The following C12orf56 variants were observed in gnomAD, a reference collection of about 807,000 sequenced individuals.
The protein encoded by C12orf56 is uncharacterized protein C12orf56.
A neutral mutation model predicts 69.9 loss-of-function variants in C12orf56; 71 were observed. The observed-to-expected ratio is 1.02, with a 90% CI of 0.84 to 1.24. The LOEUF (loss-of-function observed/expected upper bound fraction) is 1.24, where lower values mean the gene tolerates loss of function less well. Ranked by LOEUF, C12orf56 falls within the 50% of genes most tolerant of loss-of-function variation. The pLI, the probability that C12orf56 is intolerant of heterozygous loss-of-function variation, is 0.00. For synonymous variants in C12orf56, 276 were observed against 274.1 expected (o/e 1.01, Z -0.07); for missense variants, 732 against 738.5 (o/e 0.99, Z 0.10).
At chr12:64,299,999 C>A (rs927025520) in intron 6 of C12orf56, among the ~76,000 whole-genome samples, 5 of 151,972 alleles carry the variant, frequency 3.3e-5, no homozygotes, top group Admixed American at 3.3e-4. Context: ...CTGTATTGAA[C>A]AATGCAGATT....
chr12:64,346,218 C>T (rs557696739), intron 2 of C12orf56, among the ~76,000 whole-genome samples: 7 of 152,162 alleles, frequency 4.6e-5, no homozygotes, highest in South Asian at 2.1e-4. Context: ...AGAGTCAGAC[C>T]GAGTTCAAAA....
intron 2 of C12orf56, among the ~76,000 whole-genome samples, chr12:64,352,680 G>A (rs1203214264): frequency 6.6e-6 from 1 of 152,084 alleles, no homozygotes; most frequent in African/African-American, 2.4e-5. Context: ...GAGCCAGTTG[G>A]CCAGACCCCT....
chr12:64,387,177 A>G (rs912233459), intron 1 of C12orf56, among the ~76,000 whole-genome samples: 15 of 151,224 alleles, frequency 9.9e-5, no homozygotes, highest in African/African-American at 3.4e-4. Context: ...ACAAATGATT[A>G]GCAACTTTAA....
intron 12 of C12orf56, among the ~76,000 whole-genome samples, 198 bp downstream of exon 12, chr12:64,270,338 T>C (rs1179515584): frequency 6.6e-6 from 1 of 151,158 alleles, no homozygotes; most frequent in Non-Finnish European, 1.5e-5. Context: ...GAGGCAGAGG[T>C]TGCAGTGAGC....
At chr12:64,385,304 T>G (rs559307344) in intron 1 of C12orf56, among the ~76,000 whole-genome samples, 7 of 152,316 alleles carry the variant, frequency 4.6e-5, no homozygotes, top group Non-Finnish European at 7.3e-5. Flanking sequence ...GTACCCTTCT[T>G]CAAAACAAAC....
intron 1 of C12orf56, among the ~76,000 whole-genome samples, chr12:64,382,374 A>T (rs1011131356): frequency 3.3e-5 from 5 of 152,162 alleles, no homozygotes; most frequent in African/African-American, 1.2e-4. Flanking sequence ...AATTTCCTAA[A>T]GCCAGGTGAC....
rs2038475026 is a variant in C12orf56, at chr12:64,303,617, A to G, written c.1113+18T>C. The G allele has an allele frequency of 1.3e-6, 2 of 1,510,136 alleles. No homozygotes were observed. The highest frequency in any genetic ancestry group is 1.8e-6 in the Non-Finnish European group (2 of 1,132,320). 93.5% of individuals were successfully genotyped at this position (1,510,136 alleles called of 1,614,324 possible). A position where few individuals can be genotyped will look rare whatever the true frequency, so the allele number is the denominator to read the frequency against. On this transcript the variant is annotated intron_variant, in intron 6 of 12. Transcript: ENST00000543942. ...GAAACACAAACTTTAAAGATTAAAA[A>G]TAAAACAAAACACTTACCTTCCAGA...
Position 64,312,671 on chromosome 12 carries a change from C to T in C12orf56, c.968+8G>A. On this transcript the variant is annotated splice_region_variant and intron_variant, in intron 5 of 12. Coordinates refer to ENST00000543942, the MANE Select transcript of C12orf56 (RefSeq NM_001170633.2). ...CATGCAACTCTATCATACATCATCA[C>T]TTCTTACCTATATGGCTTTTGACTT... 6.5e-7 allele frequency: 1 copy of T among 1,528,636 alleles called. No homozygotes were observed. Among genetic ancestry groups the T allele is most frequent in the Non-Finnish European group, 8.8e-7 (1 of 1,139,292 alleles). 94.7% of individuals were successfully genotyped at this position (1,528,636 alleles called of 1,614,324 possible). A position where few individuals can be genotyped will look rare whatever the true frequency, so the allele number is the denominator to read the frequency against.
intron 1 of C12orf56, among the ~76,000 whole-genome samples, chr12:64,369,102 T>G (rs996950528): frequency 1.3e-5 from 2 of 149,174 alleles, no homozygotes; most frequent in African/African-American, 5.0e-5. Flanking sequence ...GAGGATCGCT[T>G]GAGGCCAAGA....
chr12:64,361,816 T>TA, intron 1 of C12orf56, among the ~76,000 whole-genome samples: 1 of 151,724 alleles, frequency 6.6e-6, no homozygotes, highest in Non-Finnish European at 1.5e-5. Context: ...CACCGCAACC[T>TA]CCTCCTCCTG....
intron 8 of C12orf56, among the ~76,000 whole-genome samples, chr12:64,280,694 C>A (rs2038110391): frequency 1.3e-5 from 2 of 152,066 alleles, no homozygotes; most frequent in Admixed American, 6.6e-5. Context: ...ATCAGGTGAG[C>A]CCCGAAAAAG....
chr12:64,359,676 A>G (rs760342039), intron 1 of C12orf56, among the ~76,000 whole-genome samples: 2 of 152,048 alleles, frequency 1.3e-5, no homozygotes, highest in Admixed American at 6.6e-5. Flanking sequence ...TCCAAAGAAC[A>G]TGCTCTCAGT....
In C12orf56 at chr12:64,338,494, GGGCTCC is replaced by G. The variant is rs2039028126; in HGVS notation, c.416-7468_416-7463del. ...ATTTCCTGCAACAAACAATCATTCA[GGGCTCC>G]AGCAACTGGTACAAACCTGTGGTAA... On this transcript the variant is annotated intron_variant, in intron 2 of 12. Coordinates refer to ENST00000543942, the MANE Select transcript of C12orf56 (RefSeq NM_001170633.2). 4.1e-6 allele frequency: 4 copies of G among 978,186 alleles called. No individual in the cohort carries two copies. The African/African-American group carries it at 6.4e-5, about 16-fold the overall frequency. The allele number at this position is 978,186 out of a possible 1,614,324, so 60.6% of individuals were successfully genotyped here.
chr12:64,274,139 G>A (rs2038022868), intron 11 of C12orf56, among the ~76,000 whole-genome samples: 1 of 151,738 alleles, frequency 6.6e-6, no homozygotes, highest in Non-Finnish European at 1.5e-5. Context: ...GGGGCCCTGA[G>A]GCCTGAGGGA....
chr12:64,367,810 C>CTT (rs1199792016), intron 1 of C12orf56, among the ~76,000 whole-genome samples: 2 of 127,628 alleles, frequency 1.6e-5, no homozygotes, highest in Non-Finnish European at 3.4e-5. Context: ...GGCACTCTTT[C>CTT]TTTTTTTTTT....
At position 64,335,701 on chromosome 12, in the gene C12orf56, C is replaced by T. The variant is rs1034677580; in HGVS notation, c.416-4669G>A. ...AACATATGTATACTAAAAAGAAAAG[C>T]ATCTTTTCCTCTATATATTCAGAAA... is the stretch of plus-strand genomic sequence containing the variant. On this transcript the variant is annotated intron_variant, in intron 2 of 12. Coordinates refer to ENST00000543942, the MANE Select transcript of C12orf56 (RefSeq NM_001170633.2). 3.7e-4 allele frequency among the ~76,000 whole-genome samples: 56 copies of T among 152,162 alleles called. 1 individual carries two copies. Among genetic ancestry groups the T allele is most frequent in the Non-Finnish European group, 1.3e-4 (9 of 68,018 alleles).
At position 64,378,371 on chromosome 12, in the gene C12orf56, A is replaced by G. The variant is rs116331267; in HGVS notation, c.252+11943T>C. On this transcript the variant is annotated intron_variant, in intron 1 of 12. Coordinates refer to ENST00000543942, the MANE Select transcript of C12orf56 (RefSeq NM_001170633.2). ...TCCCTGTCATGGTGAATAAGCAAAC[A>G]TGTGCTGAGATGGATGAGATGAAAC... Among the ~76,000 whole-genome samples, 1,253 of 152,262 alleles carry G rather than the reference A, an allele frequency of 8.2e-3. 17 individuals carry two copies. Among genetic ancestry groups the G allele is most frequent in the African/African-American group, 0.028 (1,166 of 41,562 alleles).
intron 9 of C12orf56, among the ~76,000 whole-genome samples, chr12:64,276,063 A>T (rs1364158285): frequency 6.6e-6 from 1 of 151,900 alleles, no homozygotes; most frequent in East Asian, 1.9e-4. Context: ...CCCAAATTAA[A>T]CTAAGATTCC....
intron 2 of C12orf56, among the ~76,000 whole-genome samples, chr12:64,341,037 C>T (rs2039067619): frequency 6.6e-6 from 1 of 152,186 alleles, no homozygotes; most frequent in Admixed American, 6.5e-5. Flanking sequence ...AGACTGATTT[C>T]ATCTTGATAG....
Sources: allele counts gnomAD v4.1 joint callset (sites outside exome capture counted in the v4.1 genomes callset), GRCh38; gene constraint gnomAD v4.1.1; transcripts MANE v1.5; gene names NCBI Gene and HGNC (gene_info 2026-07-23, HGNC 2026-07-21).